HEXB: variants seen among roughly 807,000 people sequenced by gnomAD.
HEXB encodes the protein beta-hexosaminidase subunit beta.
HEXB carries 51 observed loss-of-function variants against 71.2 expected under a neutral mutation model. The observed-to-expected ratio is 0.72, with a 90% confidence interval of 0.57 to 0.90. The LOEUF (loss-of-function observed/expected upper bound fraction) is 0.90. Among genes scored for constraint, HEXB ranks in the 40% least tolerant of loss-of-function variants. The pLI is 0.00. For synonymous variants in HEXB, 266 were observed against 249.3 expected, an observed-to-expected ratio of 1.07 and a Z score of -0.63; for missense variants, 617 against 677.0, an observed-to-expected ratio of 0.91 and a Z score of 0.98.
Position 74,648,474 on chromosome 5 carries a change from A to G in HEXB, c.-377+7916A>G, listed in dbSNP as rs527614878. Among the ~76,000 whole-genome samples, 5 of 152,328 alleles carry G rather than the reference A, an allele frequency of 3.3e-5. No homozygotes were observed. The East Asian group carries it at 9.6e-4, about 29-fold the overall frequency. On this transcript the variant is annotated intron_variant, in intron 1 of 13. Transcript: ENST00000511181. ...ACCTCCAATCCCCTTCTCCAGCACA[A>G]TCTGCAGAAAGAACCATGCAACCAT...
At chr5:74,651,136 C>T (rs1005631895) in intron 1 of HEXB, among the ~76,000 whole-genome samples, 27 of 152,078 alleles carry the variant, frequency 1.8e-4, no homozygotes, top group Admixed American at 6.5e-5. Flanking sequence ...GCTCAGGTAT[C>T]CCTGCAAGGT....
chr5:74,689,595 T>G, intron 2 of HEXB, 122 bp downstream of exon 2: 1 of 840,020 alleles, frequency 1.2e-6, no homozygotes, highest in Non-Finnish European at 2.1e-6. Context: ...ATGATTCCTA[T>G]TTTAAAAATA....
chr5:74,655,855 T>G (rs2112081633), intron 1 of HEXB, among the ~76,000 whole-genome samples: 1 of 152,292 alleles, frequency 6.6e-6, no homozygotes, highest in South Asian at 2.1e-4. Context: ...CTTGGAATGA[T>G]CAAGTGACAT....
Position 74,671,676 on chromosome 5 carries a change from A to T in HEXB, c.-376-17652A>T, listed in dbSNP as rs184880783. ...CAAATTGTATACTTTAAATATAGGCAATTTATTGTATGTCAATCACACTCA... is the reference window on the plus strand; with the variant it reads ...CAAATTGTATACTTTAAATATAGGCTATTTATTGTATGTCAATCACACTCA... On this transcript the variant is annotated intron_variant, in intron 1 of 13. Coordinates refer to the HEXB transcript ENST00000511181. 1.8e-4 allele frequency among the ~76,000 whole-genome samples: 28 copies of T among 152,312 alleles called. No individual in the cohort carries two copies. In the East Asian group the frequency reaches 5.4e-3, roughly 29 times the overall value.
intron 3 of HEXB, among the ~76,000 whole-genome samples, chr5:74,695,126 T>C (rs1749083192): frequency 6.6e-6 from 1 of 151,968 alleles, no homozygotes; most frequent in Non-Finnish European, 1.5e-5. Flanking sequence ...TTTATTTATG[T>C]ATAATATTAG....
chr5:74,674,200 T>C (rs972122885), intron 1 of HEXB, among the ~76,000 whole-genome samples: 3 of 152,232 alleles, frequency 2.0e-5, no homozygotes, highest in Admixed American at 6.5e-5. Context: ...TTTGACATTT[T>C]TTAACAGAGG....
intron 8 of HEXB, among the ~76,000 whole-genome samples, chr5:74,716,192 G>T (rs1749669873): frequency 6.6e-6 from 1 of 151,976 alleles, no homozygotes; most frequent in Non-Finnish European, 1.5e-5. Flanking sequence ...TTTTGGTATG[G>T]CAAAGTAAAG....
rs553744621 is a variant in HEXB at position 74,707,133 on chromosome 5, C to T, written c.771+1813C>T. 4.5e-3 allele frequency among the ~76,000 whole-genome samples: 677 copies of T among 150,790 alleles called. 3 individuals carry two copies. Among genetic ancestry groups the T allele is most frequent in the Non-Finnish European group, 6.5e-3 (443 of 67,654 alleles). ...ATCAGACAGCAGCATTCACGGTTCA[C>T]GAAAAACCACTGTTCTGCAGACACC... On this transcript the variant is annotated intron_variant, in intron 6 of 13. Coordinates refer to ENST00000261416, the MANE Select transcript of HEXB (RefSeq NM_000521.4).
Position 74,641,976 on chromosome 5 carries a change from G to A in HEXB, c.-377+1418G>A, listed in dbSNP as rs183986227. Among the ~76,000 whole-genome samples the A allele has an allele frequency of 2.0e-5, 3 of 152,228 alleles. No individual in the cohort carries two copies. The highest frequency in any genetic ancestry group is 4.4e-5 in the Non-Finnish European group (3 of 68,000). On this transcript the variant is annotated intron_variant, in intron 1 of 13. Coordinates refer to the HEXB transcript ENST00000511181. This position sits in a 1 kb window ranked among gnomAD's most constrained non-coding sequence, Gnocchi z 4.1. ...CCACGACAGAGTTTATTCCGTCCCCGGGTCCCCGCGTCCCCAAGCGCCCGC... is the reference window on the plus strand; with the variant it reads ...CCACGACAGAGTTTATTCCGTCCCCAGGTCCCCGCGTCCCCAAGCGCCCGC...
Position 74,716,665 on chromosome 5 carries a change from C to T in HEXB, c.1161C>T (p.Tyr387=), listed in dbSNP as rs2112177152. The change falls in exon 9 of 14, where the codon TAC becomes TAT. Residue 387 remains tyrosine (Y), a synonymous_variant. Coordinates refer to ENST00000261416, the MANE Select transcript of HEXB (RefSeq NM_000521.4). ...ATTTTAAGAAACTAGAATCTTTCTACATTCAAAAGTAAGTTGTTTGAAAGC... is the reference window on the plus strand; with the variant it reads ...ATTTTAAGAAACTAGAATCTTTCTATATTCAAAAGTAAGTTGTTTGAAAGC... ...GTDFKKLESF[Y]IQKVLDIIAT... 1.9e-6 allele frequency: 3 copies of T among 1,588,828 alleles called. No homozygotes were observed. Among genetic ancestry groups the T allele is most frequent in the East Asian group, 2.2e-5 (1 of 44,622 alleles).
At chr5:74,687,879 C>A (rs1010376929) in intron 1 of HEXB, among the ~76,000 whole-genome samples, 1 of 152,032 alleles carries the variant, frequency 6.6e-6, no homozygotes, top group African/African-American at 2.4e-5. Flanking sequence ...CAGAATTTTC[C>A]GACCTCTTCT....
intron 6 of HEXB, among the ~76,000 whole-genome samples, chr5:74,707,953 C>A (rs1448250268): frequency 1.3e-5 from 2 of 152,242 alleles, no homozygotes; most frequent in Non-Finnish European, 2.9e-5. Context: ...CACAAACATA[C>A]TCCTCGAGAA....
At position 74,708,524 on chromosome 5, in the gene HEXB, G is replaced by T. The variant is rs572203308; in HGVS notation, c.771+3204G>T. 3.3e-5 allele frequency among the ~76,000 whole-genome samples: 5 copies of T among 151,880 alleles called. No individual in the cohort carries two copies. In the South Asian group the frequency reaches 8.4e-4, roughly 25 times the overall value. ...TTGGATAAAGAGTCAAGACCCATCA[G>T]TGTGTTGGATTCAGGAAACCCATCT... On this transcript the variant is annotated intron_variant, in intron 6 of 13. Transcript: ENST00000261416.
chr5:74,662,667 A>G (rs569662972), intron 1 of HEXB, among the ~76,000 whole-genome samples: 8 of 152,312 alleles, frequency 5.3e-5, no homozygotes, highest in Non-Finnish European at 1.0e-4. Context: ...CCACACTGTC[A>G]CCAGCATGGA....
chr5:74,720,983 C>CTTATT (rs1377156657), intron 13 of HEXB, 135 bp from the exon 14 acceptor site: 5 of 878,718 alleles, frequency 5.7e-6, no homozygotes, highest in Non-Finnish European at 9.1e-6. Context: ...ATTTTCTTCC[C>CTTATT]TTATTTTCAG....
At chr5:74,710,488 A>G (rs1454216000) in intron 6 of HEXB, among the ~76,000 whole-genome samples, 1 of 152,140 alleles carries the variant, frequency 6.6e-6, no homozygotes, top group Non-Finnish European at 1.5e-5. Flanking sequence ...GGAAAAGAGG[A>G]AGTCAAATTG....
chr5:74,644,764 CTTTTT>C (rs3058406), intron 1 of HEXB, among the ~76,000 whole-genome samples: 28 of 72,952 alleles, frequency 3.8e-4, no homozygotes, highest in African/African-American at 8.4e-4. Context: ...CTTTTTTTTC[CTTTTT>C]TTTTTTTTTT....
At chr5:74,690,649 C>CAAAAAAAAAAAAA (rs60786265) in intron 2 of HEXB, among the ~76,000 whole-genome samples, 1 of 59,700 alleles carries the variant, frequency 1.7e-5, no homozygotes, top group Non-Finnish European at 3.0e-5. Context: ...GAGACAGTCT[C>CAAAAAAAAAAAAA]AAAAAAAAAA....
At position 74,704,297 on chromosome 5, in the gene HEXB, A is replaced by G. The variant is rs1749329150; in HGVS notation, c.670-922A>G. Among the ~76,000 whole-genome samples, 3 of 152,192 alleles carry G rather than the reference A, an allele frequency of 2.0e-5. No individual in the cohort carries two copies. The South Asian group carries it at 6.2e-4, about 32-fold the overall frequency. ...AAAGATGTCCTAACTCCATCAGCCA[A>G]ATCCCTTCAGCCTTGATGAAGAGGG... On this transcript the variant is annotated intron_variant, in intron 5 of 13. Transcript: ENST00000261416.
Sources: allele counts gnomAD v4.1 joint callset (sites outside exome capture counted in the v4.1 genomes callset), GRCh38; gene constraint gnomAD v4.1.1; non-coding constraint Gnocchi (gnomAD v3.1); transcripts MANE v1.5; gene names NCBI Gene and HGNC (gene_info 2026-07-23, HGNC 2026-07-21).